Variants in MTA3 observed in about 807,000 individuals in gnomAD.
MTA3 encodes metastasis associated 1 family member 3.
A neutral mutation model predicts 83.5 loss-of-function variants in MTA3; 34 were observed. The ratio of observed to expected loss-of-function variants is 0.41; its 90% CI spans 0.31 to 0.54. The LOEUF (loss-of-function observed/expected upper bound fraction) is 0.54. Among genes scored for constraint, MTA3 ranks in the 20% least tolerant of loss-of-function variants. The pLI, the probability that MTA3 is intolerant of heterozygous loss-of-function variation, is 0.33. For missense variants in MTA3, 761 were observed against 726.4 expected (o/e 1.05, Z -0.55); for synonymous variants, 303 against 252.7 (o/e 1.20, Z -1.89).
At chr2:42,583,017 G>A (rs1314143943) in intron 3 of MTA3, among the ~76,000 whole-genome samples, 6 of 151,780 alleles carry the variant, frequency 4.0e-5, no homozygotes, top group Non-Finnish European at 8.8e-5. Flanking sequence ...TTTCTCATCT[G>A]TAAAATAGAG....
upstream of MTA3, chr2:42,568,024 C>T (rs1289316456): frequency 6.6e-6 from 1 of 152,290 alleles, no homozygotes; most frequent in African/African-American, 2.4e-5. Context: ...GTTTTTCTAC[C>T]TCTGTCCCCA....
Position 42,689,771 on chromosome 2 carries a change from GTCTTTTTTTTTTTT to G in MTA3, c.892-5985_892-5972del, listed in dbSNP as rs1178844615. Among the ~76,000 whole-genome samples, 5 of 136,706 alleles carry G rather than the reference GTCTTTTTTTTTTTT, an allele frequency of 3.7e-5. No individual in the cohort carries two copies. The South Asian group carries it at 9.0e-4, about 25-fold the overall frequency. 89.7% of individuals were successfully genotyped at this position (136,706 alleles called of 152,430 possible). A position where few individuals can be genotyped will look rare whatever the true frequency, so the allele number is the denominator to read the frequency against. ...CTCGTTCCTGATACTGATAATTTGT[GTCTTTTTTTTTTTT>G]TCTTTTTTCTTGATCAGTCTGGCTA... On this transcript the variant is annotated intron_variant, in intron 9 of 16. Transcript: ENST00000405094.
At position 42,754,887 on chromosome 2, in the gene MTA3, C is replaced by A; in HGVS notation, c.*1488C>A. On this transcript the variant is annotated 3_prime_UTR_variant, in exon 17 of 17. Transcript: ENST00000405094. ...AGAGCGTGCTGTGTGAGGTGGAGGGCGGTTTTGCAGACATCTCAGCTTCTT... is the reference window on the plus strand; with the variant it reads ...AGAGCGTGCTGTGTGAGGTGGAGGGAGGTTTTGCAGACATCTCAGCTTCTT... 1 of 985,542 alleles carries A rather than the reference C, an allele frequency of 1.0e-6. No homozygotes were observed. The highest frequency in any genetic ancestry group is 1.2e-6 in the Non-Finnish European group (1 of 830,054). 61.0% of individuals were successfully genotyped at this position (985,542 alleles called of 1,614,324 possible). A position where few individuals can be genotyped will look rare whatever the true frequency, so the allele number is the denominator to read the frequency against.
At chr2:42,537,774 G>T (rs1676315881) in intron 2 of MTA3, among the ~76,000 whole-genome samples, 1 of 152,136 alleles carries the variant, frequency 6.6e-6, no homozygotes, top group South Asian at 2.1e-4. Flanking sequence ...GGGGCTATAT[G>T]TTGGATGAAA....
At chr2:42,725,594 A>G (rs78747266) in intron 16 of MTA3, among the ~76,000 whole-genome samples, 17,519 of 152,270 alleles carry the variant, frequency 0.12, 1,105 homozygotes, top group South Asian at 0.17. Flanking sequence ...AGCTGGGCTT[A>G]TCACAACCCA....
chr2:42,657,514 G>A (rs964882577), intron 7 of MTA3, among the ~76,000 whole-genome samples: 3 of 152,110 alleles, frequency 2.0e-5, no homozygotes, highest in African/African-American at 7.2e-5. Context: ...AATTAGATTT[G>A]TATTCTGTAT....
At chr2:42,686,830 A>G (rs1692413469) in intron 9 of MTA3, among the ~76,000 whole-genome samples, 1 of 151,356 alleles carries the variant, frequency 6.6e-6, no homozygotes. Flanking sequence ...TCATCTCAAA[A>G]AAAAAGGGCT....
intron 3 of MTA3, among the ~76,000 whole-genome samples, chr2:42,590,684 G>C (rs1030882817): frequency 6.9e-6 from 1 of 144,440 alleles, no homozygotes; most frequent in Non-Finnish European, 1.5e-5. Flanking sequence ...GCAATGGTGC[G>C]ATCTCGGCTC....
intron 2 of MTA3, among the ~76,000 whole-genome samples, chr2:42,532,610 C>T (rs1676031056): frequency 6.6e-6 from 1 of 152,170 alleles, no homozygotes; most frequent in South Asian, 2.1e-4. Context: ...AAGACATAAA[C>T]TAAATTTGAA....
chr2:42,591,729 C>T lies in MTA3; in HGVS notation c.190+12529C>T, dbSNP rs535904430. Among the ~76,000 whole-genome samples the T allele has an allele frequency of 7.2e-4, 110 of 152,156 alleles. 1 individual carries two copies. The highest frequency in any genetic ancestry group is 2.5e-3 in the African/African-American group (105 of 41,536). ...GCAGTGGTGCGATCTCAGCTCACTGCAATCTCCGCCTTCCAGGTTCAAGCA... is the reference window on the plus strand; with the variant it reads ...GCAGTGGTGCGATCTCAGCTCACTGTAATCTCCGCCTTCCAGGTTCAAGCA... On this transcript the variant is annotated intron_variant, in intron 3 of 16. Coordinates refer to ENST00000405094, the MANE Select transcript of MTA3 (RefSeq NM_001330442.2).
At chr2:42,584,084 A>C (rs540452775) in intron 3 of MTA3, among the ~76,000 whole-genome samples, 130 of 150,144 alleles carry the variant, frequency 8.7e-4, no homozygotes, top group African/African-American at 3.0e-3. Context: ...CTCAGGTGAT[A>C]CGCCCACCTC....
chr2:42,609,032 A>T (rs1175101287), intron 3 of MTA3, among the ~76,000 whole-genome samples: 11 of 136,034 alleles, frequency 8.1e-5, no homozygotes, highest in Non-Finnish European at 9.2e-5. Context: ...TAAATGTTTA[A>T]TTTTTTTTTT....
chr2:42,724,275 AAAACACACACACACACACACAC>A lies in MTA3; in HGVS notation c.1759+1242_1759+1263del, dbSNP rs1313246734. Among the ~76,000 whole-genome samples, 49 of 82,180 alleles carry A rather than the reference AAAACACACACACACACACACAC, an allele frequency of 6.0e-4. 1 individual carries two copies. Among genetic ancestry groups the A allele is most frequent in the Non-Finnish European group, 5.8e-4 (22 of 38,072 alleles). The allele number at this position is 82,180 out of a possible 152,430, so 53.9% of individuals were successfully genotyped here. A position where few individuals can be genotyped will look rare whatever the true frequency, so the allele number is the denominator to read the frequency against. On this transcript the variant is annotated intron_variant, in intron 16 of 16. Coordinates refer to ENST00000405094, the MANE Select transcript of MTA3 (RefSeq NM_001330442.2). ...GTAGAAGGTATAAAGTAAGTCCTGA[AAAACACACACACACACACACAC>A]ACACACACACACACACACACACACA... is the stretch of plus-strand genomic sequence containing the variant.
At chr2:42,723,831 TATA>T (rs765149536) in intron 16 of MTA3, among the ~76,000 whole-genome samples, 29 of 152,322 alleles carry the variant, frequency 1.9e-4, no homozygotes, top group Non-Finnish European at 1.2e-4. Context: ...GTAAATTATT[TATA>T]ATGAGGCCCC....
chr2:42,624,063 A>C (rs2104211707), intron 4 of MTA3, among the ~76,000 whole-genome samples: 1 of 152,220 alleles, frequency 6.6e-6, no homozygotes, highest in African/African-American at 2.4e-5. Flanking sequence ...GGAGGAACAA[A>C]CGCAAGAGAC....
intron 8 of MTA3, among the ~76,000 whole-genome samples, chr2:42,664,332 A>G (rs1486688256): frequency 6.6e-6 from 1 of 152,138 alleles, no homozygotes; most frequent in African/African-American, 2.4e-5. Flanking sequence ...TTGTTTCCCA[A>G]AAAGAACATA....
chr2:42,581,057 A>C lies in MTA3; in HGVS notation c.190+1857A>C, dbSNP rs113871890. On this transcript the variant is annotated intron_variant, in intron 3 of 16. Coordinates refer to ENST00000405094, the MANE Select transcript of MTA3 (RefSeq NM_001330442.2). ...TTTAGCCAGGCAAGTTAGTTGTCTCATAAGTTAAATTCTTACTGTATTTTC... is the reference window on the plus strand; with the variant it reads ...TTTAGCCAGGCAAGTTAGTTGTCTCCTAAGTTAAATTCTTACTGTATTTTC... 2.6e-5 allele frequency among the ~76,000 whole-genome samples: 4 copies of C among 152,132 alleles called. 1 individual carries two copies. The highest frequency in any genetic ancestry group is 7.2e-5 in the African/African-American group (3 of 41,478).
At chr2:42,698,129 G>A (rs1004290393) in intron 11 of MTA3, among the ~76,000 whole-genome samples, 1 of 152,190 alleles carries the variant, frequency 6.6e-6, no homozygotes, top group Non-Finnish European at 1.5e-5. Context: ...TGAAGCAAAT[G>A]TGTTTCAGAA....
chr2:42,635,481 A>G (rs888365693), intron 4 of MTA3, among the ~76,000 whole-genome samples: 2 of 152,116 alleles, frequency 1.3e-5, no homozygotes, highest in African/African-American at 4.8e-5. Context: ...TACAAAAATG[A>G]GCTGGGTGTG....
Sources: allele counts gnomAD v4.1 joint callset (sites outside exome capture counted in the v4.1 genomes callset), GRCh38; gene constraint gnomAD v4.1.1; transcripts MANE v1.5; gene names NCBI Gene and HGNC (gene_info 2026-07-23, HGNC 2026-07-21).